The following ACSS3 variants were observed in gnomAD, a reference collection of about 807,000 sequenced individuals.
ACSS3 encodes acyl-CoA synthetase short-chain family member 3, mitochondrial.
In ACSS3, 64 loss-of-function variants were observed where a neutral mutation model predicts 84.2. The ratio of observed to expected loss-of-function variants is 0.76; its 90% confidence interval spans 0.62 to 0.94. The LOEUF (loss-of-function observed/expected upper bound fraction) is 0.94, where lower values mean the gene tolerates loss of function less well. Ranked by LOEUF, ACSS3 falls within the 40% of genes least tolerant of loss-of-function variation. ACSS3 has a pLI of 0.00. For missense variants in ACSS3, 815 were observed against 867.6 expected, an observed-to-expected ratio of 0.94 and a Z score of 0.76; for synonymous variants, 317 against 310.1, an observed-to-expected ratio of 1.02 and a Z score of -0.23.
intron 7 of ACSS3, among the ~76,000 whole-genome samples, chr12:81,163,390 A>C (rs1887248414): frequency 6.6e-6 from 1 of 152,204 alleles, no homozygotes; most frequent in African/African-American, 2.4e-5. Context: ...ATGCTGGTAT[A>C]AACAAACCTA....
rs752501941 is a variant in ACSS3 at position 81,253,360 on chromosome 12, TCCCTTAAAAGGTCATGTC to T, written c.1780_1797del (p.Lys594_Leu599del). ...ACTGTGCTGTTGTTGGCAAGGAAGA[TCCCTTAAAAGGTCATGTC>T]CCCTTAGCACTCTGTGTATTGAGAA... is the stretch of plus-strand genomic sequence containing the variant. On this transcript the variant is annotated inframe_deletion, in exon 14 of 16. Coordinates refer to ENST00000548058, the MANE Select transcript of ACSS3 (RefSeq NM_024560.4). 6.2e-7 allele frequency: 1 copy of T among 1,613,974 alleles called. No homozygotes were observed. Among genetic ancestry groups the T allele is most frequent in the Non-Finnish European group, 8.5e-7 (1 of 1,179,898 alleles).
At chr12:81,086,949 C>A (rs1167764785) in intron 1 of ACSS3, among the ~76,000 whole-genome samples, 2 of 151,976 alleles carry the variant, frequency 1.3e-5, no homozygotes, top group Admixed American at 6.6e-5. Context: ...GGATAGGGAA[C>A]TTGTTATATT....
At chr12:81,238,245 G>T (rs1187540842) in intron 13 of ACSS3, among the ~76,000 whole-genome samples, 1 of 151,314 alleles carries the variant, frequency 6.6e-6, no homozygotes, top group Non-Finnish European at 1.5e-5. Flanking sequence ...CCACACATTG[G>T]CATCTATGCT....
chr12:81,214,629 TGAA>T (rs1287368499), intron 9 of ACSS3, among the ~76,000 whole-genome samples: 1 of 152,236 alleles, frequency 6.6e-6, no homozygotes, highest in African/African-American at 2.4e-5. Context: ...ACTTAGGCAG[TGAA>T]GAAGGACAAC....
chr12:81,239,988 G>A lies in ACSS3; in HGVS notation c.1719+6517G>A, dbSNP rs185771128. The stretch of plus-strand genomic sequence containing the variant: ...GAATTTTTGTTATTATAAGGTACTT[G>A]CTTTGTCTATGAAGTGTTATTTGAG... On this transcript the variant is annotated intron_variant, in intron 13 of 15. Coordinates refer to ENST00000548058, the MANE Select transcript of ACSS3 (RefSeq NM_024560.4). Among the ~76,000 whole-genome samples, 636 of 151,988 alleles carry A rather than the reference G, an allele frequency of 4.2e-3. 1 individual carries two copies. Among genetic ancestry groups the A allele is most frequent in the Non-Finnish European group, 7.0e-3 (472 of 67,886 alleles).
intron 7 of ACSS3, among the ~76,000 whole-genome samples, chr12:81,156,300 A>G (rs1229217824): frequency 6.6e-6 from 1 of 151,860 alleles, no homozygotes; most frequent in Non-Finnish European, 1.5e-5. Flanking sequence ...GGAGGACACA[A>G]CTAAGGCAGT....
intron 9 of ACSS3, among the ~76,000 whole-genome samples, chr12:81,213,996 T>G (rs1450085092): frequency 8.6e-6 from 1 of 116,690 alleles, no homozygotes; most frequent in Non-Finnish European, 1.8e-5. Flanking sequence ...TCTTTCTTTC[T>G]TTCTTTCTTT....
chr12:81,182,023 T>A (rs575360956), intron 8 of ACSS3, among the ~76,000 whole-genome samples: 16 of 152,240 alleles, frequency 1.1e-4, no homozygotes, highest in Non-Finnish European at 1.8e-4. Flanking sequence ...TTCTGAAAAC[T>A]AAGTCTTGGG....
At chr12:81,095,656 T>C (rs1415065809) in intron 1 of ACSS3, among the ~76,000 whole-genome samples, 1 of 152,242 alleles carries the variant, frequency 6.6e-6, no homozygotes, top group African/African-American at 2.4e-5. Flanking sequence ...ATTGATTTCC[T>C]GAAAGCTTTT....
chr12:81,205,143 A>G (rs1593194085), intron 9 of ACSS3, among the ~76,000 whole-genome samples: 1 of 152,220 alleles, frequency 6.6e-6, no homozygotes, highest in Non-Finnish European at 1.5e-5. Context: ...TCCTTTGGGG[A>G]ATAATCTGAT....
intron 7 of ACSS3, among the ~76,000 whole-genome samples, chr12:81,168,580 C>T (rs1479534481): frequency 2.6e-5 from 4 of 152,134 alleles, no homozygotes; most frequent in Non-Finnish European, 5.9e-5. Context: ...ACATAAAGAG[C>T]TTCTGGGTCA....
At chr12:81,214,732 T>C (rs2032837328) in intron 9 of ACSS3, among the ~76,000 whole-genome samples, 1 of 152,160 alleles carries the variant, frequency 6.6e-6, no homozygotes, top group Non-Finnish European at 1.5e-5. Flanking sequence ...CTTCTCCCAG[T>C]GCGATAGGAA....
intron 9 of ACSS3, among the ~76,000 whole-genome samples, 159 bp from the exon 10 acceptor site, chr12:81,216,742 T>G (rs1037829930): frequency 6.6e-6 from 1 of 152,206 alleles, no homozygotes; most frequent in African/African-American, 2.4e-5. Flanking sequence ...AGTTACTAGA[T>G]AGCTTTAAAT....
chr12:81,134,759 A>G, intron 2 of ACSS3, 57 bp from the exon 3 acceptor site: 1 of 1,389,954 alleles, frequency 7.2e-7, no homozygotes, highest in Non-Finnish European at 9.5e-7. Flanking sequence ...GCCTTAAGTT[A>G]GAAGTTTGGT....
intron 9 of ACSS3, among the ~76,000 whole-genome samples, chr12:81,204,651 A>T (rs1792341030): frequency 6.6e-6 from 1 of 152,166 alleles, no homozygotes; most frequent in South Asian, 2.1e-4. Context: ...GGGGCAACTT[A>T]GTGAAGGGTT....
intron 1 of ACSS3, among the ~76,000 whole-genome samples, chr12:81,102,927 G>A (rs542780280): frequency 1.3e-4 from 20 of 152,224 alleles, no homozygotes; most frequent in African/African-American, 4.8e-4. Flanking sequence ...GATTAATTCA[G>A]TATTTCCAGA....
At chr12:81,244,065 CTT>C (rs2033902224) in intron 13 of ACSS3, among the ~76,000 whole-genome samples, 2 of 151,940 alleles carry the variant, frequency 1.3e-5, no homozygotes, top group Admixed American at 1.3e-4. Context: ...CTAAAAAAGT[CTT>C]TATTTCTCCT....
intron 9 of ACSS3, among the ~76,000 whole-genome samples, chr12:81,208,200 G>A (rs570429983): frequency 5.4e-4 from 82 of 152,284 alleles, no homozygotes; most frequent in African/African-American, 1.9e-3. Flanking sequence ...TGATTCAGCA[G>A]TACTAGGTTG....
At chr12:81,111,959 T>G (rs570153583) in intron 2 of ACSS3, among the ~76,000 whole-genome samples, 37 of 152,256 alleles carry the variant, frequency 2.4e-4, no homozygotes, top group Non-Finnish European at 1.3e-4. Context: ...TTGGTATTTT[T>G]TATTGGTCTG....
Sources: gnomAD v4.1 joint callset for allele counts (sites outside exome capture counted in the v4.1 genomes callset) on GRCh38, gnomAD v4.1.1 for gene constraint, MANE v1.5 for transcripts, NCBI Gene and HGNC (gene_info 2026-07-23, HGNC 2026-07-21) for gene names.